The following STAU1 variants were observed in gnomAD, a reference collection of about 807,000 sequenced individuals.
STAU1 encodes the protein staufen double-stranded RNA binding protein 1.
A neutral mutation model predicts 62.9 loss-of-function variants in STAU1; 13 were observed. That is an observed-to-expected ratio of 0.21 (90% CI 0.13 to 0.33). STAU1 has a LOEUF of 0.33. Ranked by LOEUF, STAU1 falls within the 10% of genes least tolerant of loss-of-function variation. STAU1 has a pLI of 1.00. For missense variants in STAU1, 571 were observed against 712.1 expected (o/e 0.80, Z 2.25); for synonymous variants, 269 against 265.1 (o/e 1.01, Z -0.14).
intron 2 of STAU1, among the ~76,000 whole-genome samples, chr20:49,171,358 G>A (rs551400405): frequency 1.3e-3 from 201 of 152,256 alleles, no homozygotes; most frequent in Non-Finnish European, 2.2e-3. Context: ...GCAGTGGCAC[G>A]ATCTCAGCTC....
chr20:49,114,600 A>G lies in STAU1; in HGVS notation c.*278T>C. The G allele has an allele frequency of 2.2e-6, 1 of 451,140 alleles. No individual in the cohort carries two copies. The highest frequency in any genetic ancestry group is 4.0e-6 in the Non-Finnish European group (1 of 250,286). The allele number at this position is 451,140 out of a possible 1,614,324, so 27.9% of individuals were successfully genotyped here. Reference sequence around the variant, plus strand: ...TGTGGATCTGCTGGTGTCCCGGGAGAACCAGCTGGCTGGGCAGCCCTTCTT... The same window carrying G: ...TGTGGATCTGCTGGTGTCCCGGGAGGACCAGCTGGCTGGGCAGCCCTTCTT... On this transcript the variant is annotated 3_prime_UTR_variant, in exon 14 of 14. Transcript: ENST00000371856.
At chr20:49,179,004 C>T (rs1186187304) in intron 1 of STAU1, 1 of 151,226 alleles carries the variant, frequency 6.6e-6, no homozygotes, top group East Asian at 1.9e-4. Flanking sequence ...TGGCGTGAAC[C>T]CGGGAGGCAG....
the STAU1 span, among the ~76,000 whole-genome samples, chr20:49,204,627 TATATATATA>T: frequency 5.0e-5 from 1 of 19,998 alleles, no homozygotes; most frequent in Non-Finnish European, 9.4e-5. Flanking sequence ...TATATATGTG[TATATATATA>T]TATATATATA....
At chr20:49,200,296 G>C in the STAU1 span, among the ~76,000 whole-genome samples, 1 of 152,006 alleles carries the variant, frequency 6.6e-6, no homozygotes, top group Non-Finnish European at 1.5e-5. Flanking sequence ...ATCCAACTCA[G>C]TAATAATAAA....
chr20:49,123,021 T>C (rs1218644884), intron 8 of STAU1, 71 bp downstream of exon 8: 1 of 1,487,668 alleles, frequency 6.7e-7, no homozygotes, highest in Non-Finnish European at 8.9e-7. Flanking sequence ...TGTCCAGACC[T>C]TGAACCGCCA....
intron 2 of STAU1, among the ~76,000 whole-genome samples, chr20:49,171,886 C>T (rs920420024): frequency 6.9e-6 from 1 of 144,686 alleles, no homozygotes; most frequent in Admixed American, 7.0e-5. Flanking sequence ...AATAATAAAA[C>T]GTTTTTGAAA....
intron 6 of STAU1, among the ~76,000 whole-genome samples, chr20:49,126,574 C>CAAAAAAAAAAAAAACAAAAAAAA: frequency 4.0e-5 from 1 of 25,038 alleles, no homozygotes; most frequent in Non-Finnish European, 8.1e-5. Context: ...TCTCAAAAAG[C>CAAAAAAAAAAAAAACAAAAAAAA]AAAAAAAAAA....
the STAU1 span, among the ~76,000 whole-genome samples, chr20:49,196,444 C>CAAA: frequency 1.9e-4 from 17 of 91,532 alleles, no homozygotes; most frequent in African/African-American, 4.2e-4. Flanking sequence ...CAAAACAAAA[C>CAAA]AAAAAAAAAA....
At chr20:49,120,225 G>A (rs2092434298) in intron 8 of STAU1, 97 bp from the exon 9 acceptor site, 1 of 1,420,036 alleles carries the variant, frequency 7.0e-7, no homozygotes, top group Non-Finnish European at 9.5e-7. Flanking sequence ...ACTATGGTCA[G>A]AAGCAAGATA....
the STAU1 span, among the ~76,000 whole-genome samples, chr20:49,201,672 G>A: frequency 1.3e-5 from 2 of 150,660 alleles, no homozygotes; most frequent in Admixed American, 6.7e-5. Context: ...AATCCGGGAG[G>A]CAGAGGTTGC....
Position 49,117,082 on chromosome 20 carries a change from A to C in STAU1, c.1632+44T>G. 1 of 1,610,042 alleles carries C rather than the reference A, an allele frequency of 6.2e-7. No homozygotes were observed. Among genetic ancestry groups the C allele is most frequent in the Non-Finnish European group, 8.5e-7 (1 of 1,177,862 alleles). On this transcript the variant is annotated intron_variant, in intron 12 of 13. Transcript: ENST00000371856. The surrounding 1 kb of genome is among the most constrained non-coding windows in gnomAD (Gnocchi z 4.6). ...CAAGCTGAACCAAGGCAGGCTCCACATAAACACACAACACCCCAATCCCTC... is the reference window on the plus strand; with the variant it reads ...CAAGCTGAACCAAGGCAGGCTCCACCTAAACACACAACACCCCAATCCCTC...
intron 6 of STAU1, among the ~76,000 whole-genome samples, chr20:49,131,844 A>C (rs78308601): frequency 2.1e-5 from 1 of 47,634 alleles, no homozygotes; most frequent in Non-Finnish European, 5.3e-5. Flanking sequence ...CTCCGTCACA[A>C]AAAAAAAAAA....
intron 5 of STAU1, among the ~76,000 whole-genome samples, chr20:49,137,951 A>AT (rs1212028464): frequency 6.7e-6 from 1 of 150,170 alleles, no homozygotes; most frequent in Non-Finnish European, 1.5e-5. Flanking sequence ...AAGTGCTGGG[A>AT]TTACAGACAT....
At chr20:49,177,815 G>A (rs949410668) in intron 1 of STAU1, among the ~76,000 whole-genome samples, 1 of 152,272 alleles carries the variant, frequency 6.6e-6, no homozygotes, top group Admixed American at 6.5e-5. Context: ...AAGAGAGAGA[G>A]AGAGGGGAGA....
At chr20:49,212,574 A>G in the STAU1 span, among the ~76,000 whole-genome samples, 2 of 132,852 alleles carry the variant, frequency 1.5e-5, no homozygotes, top group Non-Finnish European at 3.3e-5. Context: ...AAAGTTGTTT[A>G]TATTTTCTGG....
upstream of STAU1, among the ~76,000 whole-genome samples, chr20:49,188,742 C>T (rs1443054987): frequency 6.6e-6 from 1 of 152,210 alleles, no homozygotes; most frequent in African/African-American, 2.4e-5. Flanking sequence ...GCAGTTGTTT[C>T]TTCCTCCATC....
At chr20:49,158,937 AC>A (rs11480966) in intron 3 of STAU1, 3 of 1,273,074 alleles carry the variant, frequency 2.4e-6, no homozygotes, top group Middle Eastern at 2.2e-4. Flanking sequence ...ATAATCCTTT[AC>A]CCCCCTTGAC....
chr20:49,136,267 C>A (rs1410446425), intron 5 of STAU1, among the ~76,000 whole-genome samples: 3 of 152,200 alleles, frequency 2.0e-5, no homozygotes, highest in East Asian at 1.9e-4. Flanking sequence ...TGCGCCACTG[C>A]ACTCCAGCCT....
At chr20:49,209,784 C>A in the STAU1 span, among the ~76,000 whole-genome samples, 1 of 151,936 alleles carries the variant, frequency 6.6e-6, no homozygotes, top group Non-Finnish European at 1.5e-5. Context: ...TGTGGTGGCT[C>A]ATGCCTGTAA....
Sources: gnomAD v4.1 joint callset for allele counts (sites outside exome capture counted in the v4.1 genomes callset) on GRCh38, gnomAD v4.1.1 for gene constraint, Gnocchi (gnomAD v3.1) non-coding constraint, MANE v1.5 for transcripts, NCBI Gene and HGNC (gene_info 2026-07-23, HGNC 2026-07-21) for gene names.